Variants in EVC observed in about 807,000 individuals in gnomAD.
EVC encodes the protein evC complex member EVC.
Under a neutral mutation model 118.9 loss-of-function variants are expected in EVC, and 116 were observed. That is an observed-to-expected ratio of 0.98 (90% CI 0.84 to 1.14). The LOEUF is 1.14. EVC is among the 50% of genes most tolerant of loss of function. The pLI, the probability that EVC is intolerant of heterozygous loss-of-function variation, is 0.00. For synonymous variants in EVC, 619 were observed against 534.7 expected, an observed-to-expected ratio of 1.16 and a Z score of -2.18; for missense variants, 1,401 against 1,246.4, an observed-to-expected ratio of 1.12 and a Z score of -1.87.
chr4:5,794,061 T>C (rs1228677580), intron 13 of EVC, among the ~76,000 whole-genome samples: 1 of 151,726 alleles, frequency 6.6e-6, no homozygotes. Context: ...CCCCAAAAAT[T>C]GCTACAACGC....
chr4:5,737,193 C>T lies in EVC; in HGVS notation c.702+3758C>T, dbSNP rs1727826716. 6.6e-6 allele frequency among the ~76,000 whole-genome samples: 1 copy of T among 152,216 alleles called. No homozygotes were observed. Among genetic ancestry groups the T allele is most frequent in the Non-Finnish European group, 1.5e-5 (1 of 68,048 alleles). On this transcript the variant is annotated intron_variant, in intron 5 of 20. Coordinates refer to ENST00000264956, the MANE Select transcript of EVC (RefSeq NM_153717.3). The surrounding 1 kb of genome is among the most constrained non-coding windows in gnomAD (Gnocchi z 5.0). ...AGCCAAAGCCTAATCCAGAGCAATACTCTAACTCTCTTCAATTCTGTGAGT... is the reference window on the plus strand; with the variant it reads ...AGCCAAAGCCTAATCCAGAGCAATATTCTAACTCTCTTCAATTCTGTGAGT...
At chr4:5,714,052 C>A (rs6826219) in intron 1 of EVC, among the ~76,000 whole-genome samples, 1 of 152,126 alleles carries the variant, frequency 6.6e-6, no homozygotes, top group African/African-American at 2.4e-5. Flanking sequence ...CCTCGCTGTT[C>A]CCCGTACACC....
chr4:5,804,941 C>A, intron 17 of EVC, 100 bp downstream of exon 17: 3 of 1,064,520 alleles, frequency 2.8e-6, no homozygotes, highest in East Asian at 2.4e-5. Flanking sequence ...GCGTGCATTG[C>A]CCGTGGACTT....
chr4:5,789,836 C>G lies in EVC; in HGVS notation c.1777-3772C>G, dbSNP rs547841437. ...TAGTTTAAGCTGCATTCTCAAAACA[C>G]GCAGCAAAGACCCCTATATACTTTA... On this transcript the variant is annotated intron_variant, in intron 12 of 20. Transcript: ENST00000264956. This position sits in a 1 kb window ranked among gnomAD's most constrained non-coding sequence, Gnocchi z 4.3. Among the ~76,000 whole-genome samples the G allele has an allele frequency of 1.3e-5, 2 of 152,158 alleles. No individual in the cohort carries two copies. The highest frequency in any genetic ancestry group is 4.8e-5 in the African/African-American group (2 of 41,428).
At chr4:5,796,954 G>C in intron 13 of EVC, 68 bp from the exon 14 acceptor site, 1 of 1,200,544 alleles carries the variant, frequency 8.3e-7, no homozygotes, top group Non-Finnish European at 1.2e-6. Context: ...GTGGCTGTTT[G>C]GGGAGCTTGT....
In EVC at chr4:5,759,350, G is replaced by T. The variant is rs138173502; in HGVS notation, c.1563+2988G>T. ...TTGGTCGCCGCATCCCAAGGACATG[G>T]TCACTTCCTTGACTACCTATCCTGC... On this transcript the variant is annotated intron_variant, in intron 11 of 20. Coordinates refer to ENST00000264956, the MANE Select transcript of EVC (RefSeq NM_153717.3). Among the ~76,000 whole-genome samples, 16 of 152,244 alleles carry T rather than the reference G, an allele frequency of 1.1e-4. No individual in the cohort carries two copies. In the East Asian group the frequency reaches 2.3e-3, roughly 22 times the overall value.
At chr4:5,804,896 C>T (rs1715618156) in intron 17 of EVC, 55 bp downstream of exon 17, 5 of 1,458,222 alleles carry the variant, frequency 3.4e-6, no homozygotes, top group Non-Finnish European at 3.8e-6. Context: ...ATTCACATGG[C>T]ATATCTCTCT....
chr4:5,828,667 G>A, the EVC span: 56 of 1,613,058 alleles, frequency 3.5e-5, no homozygotes, highest in Middle Eastern at 1.6e-4. Flanking sequence ...GTACTCCACC[G>A]CCTGCACCAA....
chr4:5,714,814 G>C (rs10028839), intron 1 of EVC, among the ~76,000 whole-genome samples: 1 of 151,940 alleles, frequency 6.6e-6, no homozygotes. Context: ...TTTGTTTTTT[G>C]TTTTGTTTGA....
chr4:5,821,324 G>A, the EVC span: 1 of 162,250 alleles, frequency 6.2e-6, no homozygotes. This position sits in a 1 kb window ranked among gnomAD's most constrained non-coding sequence, Gnocchi z 4.4. Flanking sequence ...TCGTGTCTCA[G>A]TCAGTCCTTG....
At chr4:5,735,307 G>T (rs34726624) in intron 5 of EVC, among the ~76,000 whole-genome samples, 20,265 of 152,188 alleles carry the variant, frequency 0.13, 1,673 homozygotes, top group East Asian at 0.27. Flanking sequence ...GGGGAGTCTC[G>T]TGGGTGGAAA....
the EVC span, among the ~76,000 whole-genome samples, chr4:5,827,627 C>T: frequency 6.6e-6 from 1 of 152,118 alleles, no homozygotes; most frequent in Non-Finnish European, 1.5e-5. Context: ...CGCGCACACA[C>T]ACACACTCCA....
At chr4:5,790,902 T>G (rs1356887695) in intron 12 of EVC, among the ~76,000 whole-genome samples, 1 of 152,168 alleles carries the variant, frequency 6.6e-6, no homozygotes, top group African/African-American at 2.4e-5. Context: ...AAGACCAGCC[T>G]GTCCAACATG....
At chr4:5,757,980 G>T in intron 11 of EVC, 1 of 664,352 alleles carries the variant, frequency 1.5e-6, no homozygotes, top group Non-Finnish European at 2.7e-6. Flanking sequence ...GCCACACTTG[G>T]AAATAAGGGC....
chr4:5,767,672 A>G (rs186190871), intron 11 of EVC, among the ~76,000 whole-genome samples: 39,236 of 151,202 alleles, frequency 0.26, 5,342 homozygotes, highest in East Asian at 0.32. Context: ...TCCAGGTGCC[A>G]TCTGTCACCC....
At chr4:5,799,467 T>C (rs1162179228) in intron 15 of EVC, among the ~76,000 whole-genome samples, 1 of 152,232 alleles carries the variant, frequency 6.6e-6, no homozygotes, top group African/African-American at 2.4e-5. Flanking sequence ...GGGCAAATGA[T>C]ACATTTCCAG....
the EVC span, among the ~76,000 whole-genome samples, chr4:5,827,311 G>A: frequency 3.9e-5 from 6 of 152,132 alleles, no homozygotes; most frequent in Non-Finnish European, 5.9e-5. Flanking sequence ...TCCTCATATG[G>A]CCTGCTGCCT....
intron 11 of EVC, among the ~76,000 whole-genome samples, chr4:5,778,795 G>C (rs1735129776): frequency 6.6e-6 from 1 of 152,104 alleles, no homozygotes. Context: ...TGGGTTGCCT[G>C]TTCACTCTGA....
At chr4:5,759,558 T>C (rs988882817) in intron 11 of EVC, among the ~76,000 whole-genome samples, 6 of 152,170 alleles carry the variant, frequency 3.9e-5, no homozygotes, top group East Asian at 3.9e-4. Flanking sequence ...TGGTAGCTTA[T>C]TGGATTCTCA....
Sources: allele counts gnomAD v4.1 joint callset (sites outside exome capture counted in the v4.1 genomes callset), GRCh38; gene constraint gnomAD v4.1.1; non-coding constraint Gnocchi (gnomAD v3.1); transcripts MANE v1.5; gene names NCBI Gene and HGNC (gene_info 2026-07-23, HGNC 2026-07-21).